Variants in RBFOX1 observed in about 807,000 individuals in gnomAD.
The protein encoded by RBFOX1 is RNA binding protein fox-1 homolog 1.
RBFOX1 carries 8 observed loss-of-function variants against 57.7 expected under a neutral mutation model. That is an observed-to-expected ratio of 0.14 (90% CI 0.08 to 0.25). RBFOX1 has a LOEUF of 0.25. Ranked by LOEUF, RBFOX1 falls within the 10% of genes least tolerant of loss-of-function variation. The pLI is 1.00. For synonymous variants in RBFOX1, 326 were observed against 222.4 expected, an observed-to-expected ratio of 1.47 and a Z score of -4.15; for missense variants, 611 against 548.5, an observed-to-expected ratio of 1.11 and a Z score of -1.14.
At chr16:6,788,294 C>A (rs1361658332) in intron 3 of RBFOX1, among the ~76,000 whole-genome samples, 1 of 151,928 alleles carries the variant, frequency 6.6e-6, no homozygotes, top group South Asian at 2.1e-4. Flanking sequence ...TAGGATGTCC[C>A]TTTTCCAAAA....
At chr16:5,243,756 G>A (rs2062227646) in intron 1 of RBFOX1, among the ~76,000 whole-genome samples, 1 of 152,100 alleles carries the variant, frequency 6.6e-6, no homozygotes, top group Admixed American at 6.5e-5. Context: ...ATGCGGTCTT[G>A]GAAAATTAAT....
At chr16:7,094,792 T>C (rs1252421141) in intron 4 of RBFOX1, among the ~76,000 whole-genome samples, 3 of 121,076 alleles carry the variant, frequency 2.5e-5, no homozygotes, top group Non-Finnish European at 5.2e-5. Flanking sequence ...GTGTGTGTGT[T>C]GAGAGAGAGA....
At chr16:6,372,514 G>A (rs182407208) in intron 2 of RBFOX1, among the ~76,000 whole-genome samples, 3 of 151,918 alleles carry the variant, frequency 2.0e-5, no homozygotes, top group Admixed American at 6.6e-5. Flanking sequence ...TAGTTGGATG[G>A]AAGGATAGCT....
intron 3 of RBFOX1, among the ~76,000 whole-genome samples, chr16:6,845,743 C>T (rs544882236): frequency 5.1e-4 from 77 of 152,286 alleles, no homozygotes; most frequent in African/African-American, 1.6e-3. Flanking sequence ...CTTCCTGACC[C>T]CCATACACAA....
At chr16:6,991,764 T>C (rs527663958) in intron 3 of RBFOX1, among the ~76,000 whole-genome samples, 2 of 152,310 alleles carry the variant, frequency 1.3e-5, no homozygotes, top group East Asian at 1.9e-4. Flanking sequence ...CTTGAACTCC[T>C]GAGCCCAAGC....
intron 1 of RBFOX1, among the ~76,000 whole-genome samples, chr16:6,082,129 G>C (rs1232943993): frequency 2.7e-5 from 4 of 149,044 alleles, no homozygotes; most frequent in Admixed American, 1.3e-4. Context: ...GAACCAATGA[G>C]AAATTTAAAC....
chr16:6,266,509 T>G (rs976373289), intron 1 of RBFOX1, among the ~76,000 whole-genome samples: 1 of 151,864 alleles, frequency 6.6e-6, no homozygotes, highest in South Asian at 2.1e-4. Flanking sequence ...AGGTCAGGAG[T>G]TCGAGACCAG....
At chr16:6,537,113 G>T (rs1221813176) in intron 2 of RBFOX1, among the ~76,000 whole-genome samples, 1 of 152,054 alleles carries the variant, frequency 6.6e-6, no homozygotes, top group East Asian at 1.9e-4. Flanking sequence ...TTCCATACCA[G>T]TGTTTCTCAA....
At chr16:6,545,299 C>T (rs2096879696) in intron 2 of RBFOX1, among the ~76,000 whole-genome samples, 1 of 152,196 alleles carries the variant, frequency 6.6e-6, no homozygotes, top group South Asian at 2.1e-4. Flanking sequence ...TTTCCCCCTC[C>T]TGGCCTTCAA....
intron 4 of RBFOX1, among the ~76,000 whole-genome samples, chr16:5,985,605 C>T (rs1315181933): frequency 6.6e-6 from 1 of 152,206 alleles, no homozygotes; most frequent in African/African-American, 2.4e-5. Context: ...ACTGCCCCAG[C>T]AGCCCCCAGG....
intron 1 of RBFOX1, among the ~76,000 whole-genome samples, chr16:5,413,647 G>A (rs2067084215): frequency 6.6e-6 from 1 of 152,162 alleles, no homozygotes; most frequent in Non-Finnish European, 1.5e-5. Context: ...TCTCATTACT[G>A]AGGACTTGCT....
At chr16:5,470,165 C>T (rs2069085938) in intron 2 of RBFOX1, among the ~76,000 whole-genome samples, 1 of 152,228 alleles carries the variant, frequency 6.6e-6, no homozygotes, top group Non-Finnish European at 1.5e-5. Context: ...GGTCTCAAGC[C>T]TGCAAGGCTG....
At chr16:5,757,723 C>T (rs1375070015) in intron 3 of RBFOX1, among the ~76,000 whole-genome samples, 2 of 152,300 alleles carry the variant, frequency 1.3e-5, no homozygotes, top group African/African-American at 2.4e-5. Flanking sequence ...TGAAGTTGGT[C>T]CTCATCCCCA....
At chr16:7,517,762 T>C (rs2076681901) in intron 4 of RBFOX1, among the ~76,000 whole-genome samples, 3 of 150,834 alleles carry the variant, frequency 2.0e-5, no homozygotes, top group African/African-American at 7.3e-5. Context: ...GGTTCTGCTG[T>C]CACTGCAGAC....
At chr16:6,047,810 G>C (rs1201846672) in intron 1 of RBFOX1, among the ~76,000 whole-genome samples, 1 of 152,136 alleles carries the variant, frequency 6.6e-6, no homozygotes, top group African/African-American at 2.4e-5. Flanking sequence ...AATCAGAGCA[G>C]CATGGAGGGT....
intron 10 of RBFOX1, among the ~76,000 whole-genome samples, chr16:7,616,538 C>G (rs932423763): frequency 1.3e-5 from 2 of 152,178 alleles, no homozygotes; most frequent in Non-Finnish European, 2.9e-5. Flanking sequence ...ATGGTGTGGT[C>G]CAAGGCCTCA....
chr16:5,472,361 C>A (rs896760444), intron 2 of RBFOX1, among the ~76,000 whole-genome samples: 3 of 152,062 alleles, frequency 2.0e-5, no homozygotes, highest in African/African-American at 7.2e-5. Flanking sequence ...CCCCCCAACC[C>A]CCATTGCAAG....
intron 6 of RBFOX1, among the ~76,000 whole-genome samples, chr16:7,581,612 T>C (rs2093768398): frequency 6.6e-6 from 1 of 151,856 alleles, no homozygotes; most frequent in South Asian, 2.1e-4. Flanking sequence ...GAAGGGATCC[T>C]GAGTCTCTCT....
intron 3 of RBFOX1, among the ~76,000 whole-genome samples, chr16:6,962,501 G>C (rs1245665159): frequency 6.6e-6 from 1 of 152,086 alleles, no homozygotes; most frequent in Non-Finnish European, 1.5e-5. Context: ...TGTGTCCCTG[G>C]CATCCTTTCT....
Sources: allele counts gnomAD v4.1 joint callset (sites outside exome capture counted in the v4.1 genomes callset), GRCh38; gene constraint gnomAD v4.1.1; transcripts MANE v1.5; gene names NCBI Gene and HGNC (gene_info 2026-07-23, HGNC 2026-07-21).